The following MYO16 variants were observed in gnomAD, a reference collection of about 807,000 sequenced individuals.
MYO16 encodes the protein myosin XVI, also known as unconventional myosin-XVI.
Under a neutral mutation model 205.3 loss-of-function variants are expected in MYO16, and 94 were observed. The ratio of observed to expected loss-of-function variants is 0.46; its 90% CI spans 0.39 to 0.54. The LOEUF (loss-of-function observed/expected upper bound fraction) is 0.54, where lower values mean the gene tolerates loss of function less well. MYO16 is among the 20% of genes least tolerant of loss of function. The probability of loss-of-function intolerance (pLI) is 0.00; values close to 1 mark genes in which losing one functional copy is unlikely to be tolerated. For missense variants in MYO16, 2,315 were observed against 2,387.5 expected (o/e 0.97, Z 0.63); for synonymous variants, 988 against 954.0 (o/e 1.04, Z -0.66).
chr13:108,706,421 A>AT (rs1883512029), intron 2 of MYO16, among the ~76,000 whole-genome samples: 1 of 152,202 alleles, frequency 6.6e-6, no homozygotes, highest in Admixed American at 6.5e-5. Flanking sequence ...AAGGAATGAA[A>AT]TGGGTTACAA....
At chr13:108,557,500 C>A in the MYO16 span, among the ~76,000 whole-genome samples, 21 of 152,034 alleles carry the variant, frequency 1.4e-4, no homozygotes, top group South Asian at 6.2e-4. Flanking sequence ...AAAAGTTTCA[C>A]AAAACAATAT....
In MYO16 at chr13:109,130,504, A is replaced by G. The variant is rs114580832; in HGVS notation, c.4051+2954A>G. 2.6e-3 allele frequency among the ~76,000 whole-genome samples: 401 copies of G among 152,374 alleles called. 2 individuals are homozygous for G. Among genetic ancestry groups the G allele is most frequent in the African/African-American group, 9.3e-3 (387 of 41,586 alleles). On this transcript the variant is annotated intron_variant, in intron 31 of 34. Transcript: ENST00000457511. ...CTCTCAATACTGTATATTTTTAAGA[A>G]TAAGACAATTAACCAGCTTAAGCTG...
At chr13:108,877,841 C>T (rs907577583) in intron 12 of MYO16, among the ~76,000 whole-genome samples, 5 of 152,130 alleles carry the variant, frequency 3.3e-5, no homozygotes, top group African/African-American at 7.2e-5. Flanking sequence ...GTAGTAAGAT[C>T]GCTCCATCAT....
At chr13:109,061,446 T>A (rs913130370) in intron 27 of MYO16, among the ~76,000 whole-genome samples, 3 of 152,206 alleles carry the variant, frequency 2.0e-5, no homozygotes, top group Non-Finnish European at 4.4e-5. Flanking sequence ...CTTCCTTTTA[T>A]GTAAAAACTT....
chr13:108,788,924 A>G (rs1933221), intron 5 of MYO16, among the ~76,000 whole-genome samples: 149,284 of 152,252 alleles, frequency 0.98, 73,233 homozygotes, highest in Middle Eastern at 1. Flanking sequence ...TGTCTGTCCA[A>G]ATTGCTAAAT....
intron 16 of MYO16, among the ~76,000 whole-genome samples, chr13:108,911,213 CA>C (rs1213289522): frequency 7.0e-6 from 1 of 142,370 alleles, no homozygotes; most frequent in Non-Finnish European, 1.5e-5. Flanking sequence ...TTTAAGCCTG[CA>C]AAAAAATATC....
intron 34 of MYO16, among the ~76,000 whole-genome samples, chr13:109,193,463 G>A (rs900865506): frequency 9.2e-5 from 14 of 152,054 alleles, no homozygotes; most frequent in African/African-American, 3.1e-4. Context: ...AATCTAGTTG[G>A]ATTGGGTTCT....
chr13:109,176,634 G>A (rs889997184), intron 33 of MYO16, among the ~76,000 whole-genome samples: 12 of 134,086 alleles, frequency 8.9e-5, no homozygotes, highest in East Asian at 2.5e-4. Context: ...CTTCCTGGCC[G>A]TCACTTTGTC....
chr13:108,767,129 G>T (rs1594277924), intron 4 of MYO16, among the ~76,000 whole-genome samples: 1 of 152,156 alleles, frequency 6.6e-6, no homozygotes, highest in South Asian at 2.1e-4. Flanking sequence ...GAGACAGGGA[G>T]TCTCTCTCTG....
intron 9 of MYO16, among the ~76,000 whole-genome samples, chr13:108,825,399 TA>T (rs1876196880): frequency 6.6e-6 from 1 of 151,594 alleles, no homozygotes; most frequent in South Asian, 2.1e-4. Flanking sequence ...CTCAACCTGA[TA>T]AGGGGCAAGT....
At chr13:108,888,136 C>T (rs896472888) in intron 13 of MYO16, among the ~76,000 whole-genome samples, 31 of 152,282 alleles carry the variant, frequency 2.0e-4, no homozygotes, top group African/African-American at 6.7e-4. Context: ...CCATCAGGGA[C>T]ATGACACAGT....
chr13:109,039,859 G>GA (rs1566476152), intron 23 of MYO16, among the ~76,000 whole-genome samples: 2 of 151,848 alleles, frequency 1.3e-5, no homozygotes, highest in Middle Eastern at 3.4e-3. Context: ...AATGGAATTA[G>GA]AAAAAAAGGA....
Position 109,141,411 on chromosome 13 carries a change from A to T in MYO16, c.5164+35A>T, listed in dbSNP as rs916305208. On this transcript the variant is annotated intron_variant, in intron 32 of 34. Coordinates refer to ENST00000457511, the MANE Select transcript of MYO16 (RefSeq NM_001198950.3). This position sits in a 1 kb window ranked among gnomAD's most constrained non-coding sequence, Gnocchi z 4.1. ...GCAGACATCCCCCCACTCCTTTTGC[A>T]TGGACGCTGTGCTTGCGTGCACCTG... 1.2e-5 allele frequency: 16 copies of T among 1,357,262 alleles called. No homozygotes were observed. In the African/African-American group the frequency reaches 2.4e-4, roughly 20 times the overall value. The allele number at this position is 1,357,262 out of a possible 1,614,324, so 84.1% of individuals were successfully genotyped here.
At chr13:108,819,364 C>A (rs1875831941) in intron 7 of MYO16, among the ~76,000 whole-genome samples, 3 of 152,208 alleles carry the variant, frequency 2.0e-5, no homozygotes, top group African/African-American at 7.2e-5. Context: ...CCGCAAGAAT[C>A]TATACGATAG....
chr13:109,094,577 CA>C (rs1888720032), intron 27 of MYO16, among the ~76,000 whole-genome samples: 2 of 152,074 alleles, frequency 1.3e-5, no homozygotes, highest in Non-Finnish European at 1.5e-5. Flanking sequence ...ACAAAACGTA[CA>C]GGTTTGTTAC....
chr13:108,776,108 T>A (rs984283629), intron 4 of MYO16, among the ~76,000 whole-genome samples: 5 of 152,206 alleles, frequency 3.3e-5, no homozygotes, highest in African/African-American at 1.2e-4. Flanking sequence ...AAGAATCCCC[T>A]TTGTATCAAG....
intron 27 of MYO16, among the ~76,000 whole-genome samples, chr13:109,091,068 G>A (rs535845339): frequency 7.2e-5 from 11 of 152,058 alleles, no homozygotes; most frequent in African/African-American, 9.7e-5. Flanking sequence ...TCACCCTTCC[G>A]CACCTGCTTT....
chr13:108,766,763 G>T (rs1885789741), intron 4 of MYO16, among the ~76,000 whole-genome samples: 1 of 152,248 alleles, frequency 6.6e-6, no homozygotes, highest in African/African-American at 2.4e-5. Flanking sequence ...AGGTTTGCTT[G>T]TCTTTTTATG....
At chr13:109,182,438 CGGA>C (rs1879496690) in intron 34 of MYO16, among the ~76,000 whole-genome samples, 1 of 152,188 alleles carries the variant, frequency 6.6e-6, no homozygotes, top group Admixed American at 6.5e-5. Context: ...GAATATTAGT[CGGA>C]GAAGAACTTT....
Sources: gnomAD v4.1 joint callset for allele counts (sites outside exome capture counted in the v4.1 genomes callset) on GRCh38, gnomAD v4.1.1 for gene constraint, Gnocchi (gnomAD v3.1) non-coding constraint, MANE v1.5 for transcripts, NCBI Gene and HGNC (gene_info 2026-07-23, HGNC 2026-07-21) for gene names.